The following SLIT2 variants were observed in gnomAD, a reference collection of about 807,000 sequenced individuals.
SLIT2 encodes the protein slit guidance ligand 2.
A neutral mutation model predicts 185.7 loss-of-function variants in SLIT2; 41 were observed. The ratio of observed to expected loss-of-function variants is 0.22; its 90% CI spans 0.17 to 0.29. The LOEUF is 0.29. Ranked by LOEUF, SLIT2 falls within the 10% of genes least tolerant of loss-of-function variation. The pLI is 1.00. For missense variants in SLIT2, 1,571 were observed against 1,909.0 expected, an observed-to-expected ratio of 0.82 and a Z score of 3.30; for synonymous variants, 693 against 680.2, an observed-to-expected ratio of 1.02 and a Z score of -0.29.
chr4:20,510,137 T>C (rs1719572124), intron 9 of SLIT2, among the ~76,000 whole-genome samples: 1 of 151,960 alleles, frequency 6.6e-6, no homozygotes, highest in Admixed American at 6.6e-5. Context: ...ATGTAATAGA[T>C]CTATTCAGTA....
intron 4 of SLIT2, among the ~76,000 whole-genome samples, chr4:20,287,344 G>A (rs1350403724): frequency 6.6e-6 from 1 of 152,090 alleles, no homozygotes; most frequent in South Asian, 2.1e-4. Flanking sequence ...CAAGCAATGC[G>A]CCCCATTAGG....
At chr4:20,255,068 C>T (rs1395469801) in intron 1 of SLIT2, 1 of 456,232 alleles carries the variant, frequency 2.2e-6, no homozygotes, top group Admixed American at 2.3e-5. Flanking sequence ...CCAGTCCGGC[C>T]GCCCTAGGCA....
intron 4 of SLIT2, among the ~76,000 whole-genome samples, chr4:20,355,393 C>T (rs936504045): frequency 6.6e-6 from 1 of 152,040 alleles, no homozygotes; most frequent in Non-Finnish European, 1.5e-5. Flanking sequence ...ACAGAAAGTC[C>T]AGTTTTATTT....
chr4:20,524,189 A>T lies in SLIT2; in HGVS notation c.1438+12A>T, dbSNP rs781363572. On this transcript the variant is annotated intron_variant, in intron 14 of 36. Transcript: ENST00000504154. The stretch of plus-strand genomic sequence containing the variant: ...ATTCCGTTGTTCAGGTAATTTCTTC[A>T]CGTGTTATTTCCCCTGTGACCAACA... 1.2e-6 allele frequency: 2 copies of T among 1,613,318 alleles called. No homozygotes were observed. Among genetic ancestry groups the T allele is most frequent in the African/African-American group, 2.7e-5 (2 of 75,054 alleles).
chr4:20,463,491 A>ATATATATG (rs1491274435), intron 4 of SLIT2, among the ~76,000 whole-genome samples: 45 of 96,184 alleles, frequency 4.7e-4, no homozygotes, highest in South Asian at 1.1e-3. Flanking sequence ...ATATATATAT[A>ATATATATG]TGTGTGTGTG....
chr4:20,520,845 G>T (rs1382502137), intron 12 of SLIT2, among the ~76,000 whole-genome samples: 1 of 151,880 alleles, frequency 6.6e-6, no homozygotes, highest in East Asian at 1.9e-4. Context: ...TTTTACAATA[G>T]ACCAATGAGT....
At chr4:20,321,122 G>C (rs111595881) in intron 4 of SLIT2, among the ~76,000 whole-genome samples, 28 of 152,078 alleles carry the variant, frequency 1.8e-4, no homozygotes, top group Admixed American at 1.7e-3. Flanking sequence ...GCAAGACTCT[G>C]TCTCAAAAAA....
chr4:20,469,639 A>T (rs1268383352), intron 5 of SLIT2, among the ~76,000 whole-genome samples: 1 of 151,962 alleles, frequency 6.6e-6, no homozygotes, highest in Non-Finnish European at 1.5e-5. Flanking sequence ...AGTTTTTTTA[A>T]AATTATTAAT....
intron 4 of SLIT2, among the ~76,000 whole-genome samples, chr4:20,276,632 A>C (rs1714194639): frequency 6.6e-6 from 1 of 152,180 alleles, no homozygotes; most frequent in African/African-American, 2.4e-5. Context: ...GAAATAAGTA[A>C]ATCTGGAAAC....
intron 29 of SLIT2, among the ~76,000 whole-genome samples, chr4:20,572,714 T>A (rs534737704): frequency 3.9e-5 from 6 of 152,194 alleles, no homozygotes; most frequent in Non-Finnish European, 8.8e-5. Context: ...GTATCAAGAC[T>A]GTGTGTCTTA....
At chr4:20,598,854 GT>G (rs1728191397) in intron 33 of SLIT2, among the ~76,000 whole-genome samples, 1 of 152,110 alleles carries the variant, frequency 6.6e-6, no homozygotes, top group African/African-American at 2.4e-5. Flanking sequence ...ACAATCTCCT[GT>G]CTGTGTTCCC....
intron 1 of SLIT2, among the ~76,000 whole-genome samples, chr4:20,256,307 C>A (rs988505380): frequency 8.0e-6 from 1 of 125,696 alleles, no homozygotes; most frequent in Non-Finnish European, 1.6e-5. Flanking sequence ...CTGAAGGGAA[C>A]TTTTTTTTTG....
chr4:20,454,171 C>A (rs1042923032), intron 4 of SLIT2, among the ~76,000 whole-genome samples: 3 of 152,130 alleles, frequency 2.0e-5, no homozygotes, highest in Non-Finnish European at 2.9e-5. Context: ...CCCAGTCTTC[C>A]CTGAGTTTCA....
At chr4:20,520,940 GCTA>G (rs1720786073) in intron 12 of SLIT2, among the ~76,000 whole-genome samples, 1 of 151,980 alleles carries the variant, frequency 6.6e-6, no homozygotes, top group Admixed American at 6.6e-5. Flanking sequence ...ATTAAATATT[GCTA>G]CTAATTTGAT....
intron 4 of SLIT2, among the ~76,000 whole-genome samples, chr4:20,270,635 C>T (rs1713506153): frequency 6.6e-6 from 1 of 151,788 alleles, no homozygotes; most frequent in Admixed American, 6.6e-5. Context: ...AAGGATTTGT[C>T]CTGGGGAGTA....
chr4:20,490,454 T>G (rs770491754), intron 8 of SLIT2, among the ~76,000 whole-genome samples: 34 of 151,960 alleles, frequency 2.2e-4, no homozygotes, highest in Non-Finnish European at 4.3e-4. Context: ...TGGGTGTGTG[T>G]GTATATATAT....
intron 4 of SLIT2, among the ~76,000 whole-genome samples, chr4:20,433,145 G>A (rs1368166274): frequency 6.6e-6 from 1 of 152,178 alleles, no homozygotes; most frequent in Non-Finnish European, 1.5e-5. Flanking sequence ...GAATCTTACA[G>A]CAACCACCAG....
At chr4:20,283,300 G>A (rs985239873) in intron 4 of SLIT2, among the ~76,000 whole-genome samples, 2 of 152,198 alleles carry the variant, frequency 1.3e-5, no homozygotes, top group Non-Finnish European at 2.9e-5. Flanking sequence ...CATCATCTAA[G>A]CTGGTGTGAA....
intron 32 of SLIT2, among the ~76,000 whole-genome samples, chr4:20,597,240 G>T (rs1054641353): frequency 8.6e-5 from 13 of 151,780 alleles, no homozygotes; most frequent in Non-Finnish European, 1.9e-4. Flanking sequence ...TAATTTTTTT[G>T]TATTTTTGAT....
Sources: gnomAD v4.1 joint callset for allele counts (sites outside exome capture counted in the v4.1 genomes callset) on GRCh38, gnomAD v4.1.1 for gene constraint, MANE v1.5 for transcripts, NCBI Gene and HGNC (gene_info 2026-07-23, HGNC 2026-07-21) for gene names.